ZNF837: variants seen among roughly 807,000 people sequenced by gnomAD.
The protein encoded by ZNF837 is zinc finger protein 837.
For missense variants in ZNF837, 955 were observed against 801.7 expected (o/e 1.19, Z -2.31); for synonymous variants, 475 against 365.2 (o/e 1.30, Z -3.43).
At chr19:58,372,904 G>A (rs2052214035) in intron 1 of ZNF837, among the ~76,000 whole-genome samples, 1 of 152,206 alleles carries the variant, frequency 6.6e-6, no homozygotes, top group Non-Finnish European at 1.5e-5. Context: ...TGTATGGGAG[G>A]CTGCTGGCCT....
At chr19:58,373,961 C>G (rs1229866492) in intron 1 of ZNF837, among the ~76,000 whole-genome samples, 1 of 152,288 alleles carries the variant, frequency 6.6e-6, no homozygotes, top group African/African-American at 2.4e-5. Flanking sequence ...GCAGTAAGCT[C>G]TATCATGGGG....
chr19:58,377,926 C>G (rs182246453), intron 1 of ZNF837, among the ~76,000 whole-genome samples: 1 of 152,334 alleles, frequency 6.6e-6, no homozygotes, highest in Admixed American at 6.5e-5. Context: ...TTCTCTCTCT[C>G]GAGTCCATCT....
chr19:58,380,585 G>T (rs2052281778), intron 1 of ZNF837, among the ~76,000 whole-genome samples: 1 of 152,370 alleles, frequency 6.6e-6, no homozygotes, highest in East Asian at 1.9e-4. Flanking sequence ...CGGGGGCAGA[G>T]ACGGTAGGGA....
Position 58,368,177 on chromosome 19 carries a change from T to C in ZNF837, c.1156A>G (p.Thr386Ala), listed in dbSNP as rs975949365. The part of the protein sequence containing the change: ...SHLVEHRRVH[T>A]GEKPYACPEC... Reference sequence around the variant, plus strand: ...GGGCACGCGTAGGGCTTCTCGCCGGTGTGCACGCGCCGGTGCTCCACGAGG... The same window carrying C: ...GGGCACGCGTAGGGCTTCTCGCCGGCGTGCACGCGCCGGTGCTCCACGAGG... Residue 386 changes from threonine (T) to alanine (A), a missense_variant, in exon 3 of 3, where the codon ACC becomes GCC. By Grantham distance (58) the Thr-to-Ala change is moderately conservative. Coordinates refer to ENST00000597582, the MANE Select transcript of ZNF837 (RefSeq NM_138466.2). 6.3e-7 allele frequency: 1 copy of C among 1,583,422 alleles called. No individual in the cohort carries two copies. Among genetic ancestry groups the C allele is most frequent in the Non-Finnish European group, 8.6e-7 (1 of 1,167,046 alleles).
intron 1 of ZNF837, among the ~76,000 whole-genome samples, chr19:58,370,702 C>T (rs1445197403): frequency 6.7e-6 from 1 of 149,934 alleles, no homozygotes; most frequent in Non-Finnish European, 1.5e-5. Flanking sequence ...TTGAGACCAG[C>T]CTGACCAACA....
intron 1 of ZNF837, among the ~76,000 whole-genome samples, chr19:58,372,616 AAG>A (rs1480935794): frequency 1.3e-5 from 2 of 152,226 alleles, no homozygotes; most frequent in African/African-American, 4.8e-5. Context: ...GCATTTAACC[AAG>A]ACTCTACATG....
At position 58,368,796 on chromosome 19, in the gene ZNF837, G is replaced by A. The variant is rs759128216; in HGVS notation, c.537C>T (p.Cys179=). The change falls in exon 3 of 3, where the codon TGC becomes TGT. Residue 179 remains cysteine, a synonymous_variant. Coordinates refer to ENST00000597582, the MANE Select transcript of ZNF837 (RefSeq NM_138466.2). ...PCQPGTGAPT[C]PRTPKPTSRG... Reference sequence around the variant, plus strand: ...GGGAGGTCGGCTTTGGGGTCCTCGGGCAGGTCGGAGCGCCAGTCCCTGGTT... The same window carrying A: ...GGGAGGTCGGCTTTGGGGTCCTCGGACAGGTCGGAGCGCCAGTCCCTGGTT... 1.9e-5 allele frequency: 29 copies of A among 1,544,772 alleles called. No individual in the cohort carries two copies. Among genetic ancestry groups the A allele is most frequent in the Non-Finnish European group, 2.2e-5 (25 of 1,146,684 alleles).
intron 1 of ZNF837, among the ~76,000 whole-genome samples, chr19:58,378,183 C>A (rs879627068): frequency 2.0e-5 from 3 of 152,208 alleles, no homozygotes; most frequent in Admixed American, 2.0e-4. Context: ...CAGCCATAGA[C>A]TCTGATGGGG....
At chr19:58,380,017 A>G (rs907237412) in intron 1 of ZNF837, among the ~76,000 whole-genome samples, 1 of 128,604 alleles carries the variant, frequency 7.8e-6, no homozygotes, top group African/African-American at 2.5e-5. Context: ...AACAACAACA[A>G]CAACAAAAAC....
At chr19:58,373,443 G>A (rs1031569897) in intron 1 of ZNF837, among the ~76,000 whole-genome samples, 1 of 152,224 alleles carries the variant, frequency 6.6e-6, no homozygotes, top group African/African-American at 2.4e-5. Context: ...ACTGTGCACA[G>A]GGCACCTAGA....
At chr19:58,376,167 C>G (rs1173532555) in intron 1 of ZNF837, among the ~76,000 whole-genome samples, 1 of 152,134 alleles carries the variant, frequency 6.6e-6, no homozygotes, top group Non-Finnish European at 1.5e-5. Flanking sequence ...GATCCCCCTG[C>G]CTCAGCTTCC....
chr19:58,368,051 AGGCCTTTTCGCACAGT>A lies in ZNF837; in HGVS notation c.1266_1281del (p.Leu423SerfsTer?), dbSNP rs1280905523. The A allele has an allele frequency of 6.5e-7, 1 of 1,540,642 alleles. No homozygotes were observed. The highest frequency in any genetic ancestry group is 8.7e-7 in the Non-Finnish European group (1 of 1,147,114). ...TGCACCAGGCCCGAGCGGCCCTTGA[AGGCCTTTTCGCACAGT>A]GGGCACGCGTAGGGCTTGGCGCTGC... On this transcript the variant is annotated frameshift_variant, in exon 3 of 3. Coordinates refer to ENST00000597582, the MANE Select transcript of ZNF837 (RefSeq NM_138466.2). LOFTEE classifies it low-confidence loss of function (END_TRUNC).
Position 58,369,121 on chromosome 19 carries a change from C to G in ZNF837, c.212G>C (p.Gly71Ala), listed in dbSNP as rs1239899868. Reference protein sequence around the residue: ...PGGGSRGCSLGVSPGPGTRHS... With the variant: ...PGGGSRGCSLAVSPGPGTRHS... The stretch of plus-strand genomic sequence containing the variant: ...CCGGGTCCCCGGGCCGGGGCTCACC[C>G]CGAGGCTGCAGCCCCGGGAGCCCCC... Residue 71 changes from glycine (G) to alanine (A), a missense_variant, in exon 3 of 3, where the codon GGG becomes GCG. Gly to Ala is a moderately conservative substitution (Grantham distance 60). Coordinates refer to ENST00000597582, the MANE Select transcript of ZNF837 (RefSeq NM_138466.2). 1.6e-5 allele frequency: 24 copies of G among 1,482,284 alleles called. No individual in the cohort carries two copies. The East Asian group carries it at 5.4e-4, about 33-fold the overall frequency. 91.8% of individuals were successfully genotyped at this position (1,482,284 alleles called of 1,614,324 possible). A position where few individuals can be genotyped will look rare whatever the true frequency, so the allele number is the denominator to read the frequency against.
At position 58,368,502 on chromosome 19, in the gene ZNF837, G is replaced by C; in HGVS notation, c.831C>G (p.Gly277=). The C allele has an allele frequency of 1.3e-6, 2 of 1,553,632 alleles. No individual in the cohort carries two copies. The highest frequency in any genetic ancestry group is 1.7e-6 in the Non-Finnish European group (2 of 1,150,830). Residue 277 remains glycine, a synonymous_variant, in exon 3 of 3, where the codon GGC becomes GGG. Transcript: ENST00000597582. Reference sequence around the variant, plus strand: ...GGCTGGAGGTGCGCGTGAAGGCCTTGCCGCACTCGTCGCAAGCGTACAGTC... The same window carrying C: ...GGCTGGAGGTGCGCGTGAAGGCCTTCCCGCACTCGTCGCAAGCGTACAGTC... ...AQRLYACDEC[G]KAFTRTSSLL... is the part of the protein sequence containing the mutation.
intron 1 of ZNF837, among the ~76,000 whole-genome samples, chr19:58,372,843 C>T (rs2052213548): frequency 6.6e-6 from 1 of 152,224 alleles, no homozygotes; most frequent in Admixed American, 6.5e-5. Context: ...TGGACAAGTT[C>T]TGCAGGTCAC....
chr19:58,378,387 C>T (rs778315892), intron 1 of ZNF837, among the ~76,000 whole-genome samples: 2 of 152,220 alleles, frequency 1.3e-5, no homozygotes, highest in Non-Finnish European at 2.9e-5. Context: ...TGGGCACCTG[C>T]CTTGCTATTA....
At position 58,375,289 on chromosome 19, in the gene ZNF837, TATATATATATATATATATATATAA is replaced by T. The variant is rs1568568355; in HGVS notation, c.-139-5385_-139-5362del. 4.6e-4 allele frequency among the ~76,000 whole-genome samples: 31 copies of T among 66,814 alleles called. 2 individuals are homozygous for T. The East Asian group carries it at 0.011, about 24-fold the overall frequency. 43.8% of individuals were successfully genotyped at this position (66,814 alleles called of 152,430 possible). On this transcript the variant is annotated intron_variant, in intron 1 of 2. Coordinates refer to ENST00000597582, the MANE Select transcript of ZNF837 (RefSeq NM_138466.2). The stretch of plus-strand genomic sequence containing the variant: ...AAAAAAGTATATATATATATATATA[TATATATATATATATATATATATAA>T]AATTACATATATACTTAAGAGTATA...
Sources: gnomAD v4.1 joint callset for allele counts (sites outside exome capture counted in the v4.1 genomes callset) on GRCh38, gnomAD v4.1.1 for gene constraint, MANE v1.5 for transcripts, NCBI Gene and HGNC (gene_info 2026-07-23, HGNC 2026-07-21) for gene names.